Variants in PRKCQ observed in about 807,000 individuals in gnomAD.
PRKCQ encodes protein kinase C theta type.
In PRKCQ, 41 loss-of-function variants were observed where a neutral mutation model predicts 91.2. That is an observed-to-expected ratio of 0.45 (90% CI 0.35 to 0.58). The LOEUF (loss-of-function observed/expected upper bound fraction) is 0.58. Among genes scored for constraint, PRKCQ ranks in the 20% least tolerant of loss-of-function variants. PRKCQ has a pLI of 0.00. For missense variants in PRKCQ, 673 were observed against 896.5 expected (o/e 0.75, Z 3.18); for synonymous variants, 307 against 316.9 (o/e 0.97, Z 0.33).
At chr10:6,523,240 A>G (rs1473989816) in intron 1 of PRKCQ, among the ~76,000 whole-genome samples, 2 of 152,130 alleles carry the variant, frequency 1.3e-5, no homozygotes, top group Admixed American at 1.3e-4. Flanking sequence ...ACTTGAGCCT[A>G]GGAGTTTGAG....
At chr10:6,488,018 A>AG (rs1837028656) in intron 8 of PRKCQ, among the ~76,000 whole-genome samples, 1 of 151,670 alleles carries the variant, frequency 6.6e-6, no homozygotes, top group Non-Finnish European at 1.5e-5. Context: ...AAAAAAAAAA[A>AG]AAAGAAACAT....
At chr10:6,545,019 C>A (rs139730421) in intron 1 of PRKCQ, among the ~76,000 whole-genome samples, 3 of 150,692 alleles carry the variant, frequency 2.0e-5, no homozygotes, top group African/African-American at 7.3e-5. Context: ...GGAAAAATAG[C>A]GGGAAAATGT....
At chr10:6,420,869 T>G in the PRKCQ span, among the ~76,000 whole-genome samples, 9 of 152,114 alleles carry the variant, frequency 5.9e-5, no homozygotes, top group African/African-American at 2.4e-5. Context: ...TTCTTTGGTG[T>G]AGATCTTTTT....
At chr10:6,444,735 A>T (rs1243800432) in intron 15 of PRKCQ, among the ~76,000 whole-genome samples, 1 of 152,012 alleles carries the variant, frequency 6.6e-6, no homozygotes, top group Admixed American at 6.6e-5. Context: ...CGCACGCAGA[A>T]GGTATTTTTT....
At chr10:6,486,880 C>A (rs956999344) in intron 8 of PRKCQ, among the ~76,000 whole-genome samples, 2 of 152,140 alleles carry the variant, frequency 1.3e-5, no homozygotes, top group African/African-American at 4.8e-5. Flanking sequence ...GACGGTGGAG[C>A]CGGAGTGTAT....
chr10:6,554,010 G>C (rs1840313397), intron 1 of PRKCQ, among the ~76,000 whole-genome samples: 1 of 151,888 alleles, frequency 6.6e-6, no homozygotes, highest in Non-Finnish European at 1.5e-5. Context: ...TCAAGTCTCG[G>C]AGCACTCATT....
chr10:6,397,625 A>G, the PRKCQ span, among the ~76,000 whole-genome samples: 1 of 152,122 alleles, frequency 6.6e-6, no homozygotes, highest in East Asian at 1.9e-4. Context: ...GTGATATTGT[A>G]TCTAAGATAC....
chr10:6,518,463 T>C (rs1332979932), intron 1 of PRKCQ, among the ~76,000 whole-genome samples: 4 of 152,102 alleles, frequency 2.6e-5, no homozygotes, highest in East Asian at 1.9e-4. Flanking sequence ...TGCATTTTAT[T>C]TGAGGAAAAA....
chr10:6,573,684 G>A (rs1428990295), intron 1 of PRKCQ, among the ~76,000 whole-genome samples: 3 of 152,138 alleles, frequency 2.0e-5, no homozygotes. Context: ...CAAGGATTCT[G>A]CTTCTGCAGA....
At chr10:6,468,090 T>C (rs1224807608) in intron 12 of PRKCQ, among the ~76,000 whole-genome samples, 2 of 152,144 alleles carry the variant, frequency 1.3e-5, no homozygotes, top group African/African-American at 2.4e-5. Context: ...TTTAACAAAA[T>C]CAGTTGTATA....
chr10:6,563,469 C>T (rs1840710449), intron 1 of PRKCQ, among the ~76,000 whole-genome samples: 1 of 152,058 alleles, frequency 6.6e-6, no homozygotes. Flanking sequence ...CCCTATAAGC[C>T]CCTCACCATG....
chr10:6,520,834 A>C (rs1007557862), intron 1 of PRKCQ, among the ~76,000 whole-genome samples: 4 of 152,156 alleles, frequency 2.6e-5, no homozygotes, highest in Admixed American at 1.3e-4. Context: ...GTGGGGACTT[A>C]TAGAGCCCCA....
chr10:6,451,614 G>C (rs1227841059), intron 15 of PRKCQ, among the ~76,000 whole-genome samples: 2 of 152,086 alleles, frequency 1.3e-5, no homozygotes, highest in East Asian at 1.9e-4. Flanking sequence ...GCCAGGCAGA[G>C]ACACAACCAA....
chr10:6,496,497 T>C (rs908714765), intron 7 of PRKCQ, among the ~76,000 whole-genome samples: 2 of 152,120 alleles, frequency 1.3e-5, no homozygotes, highest in African/African-American at 2.4e-5. Flanking sequence ...TTGCCTTTAT[T>C]TACTCTTTTA....
At chr10:6,457,195 G>C (rs1380688395) in intron 14 of PRKCQ, among the ~76,000 whole-genome samples, 4 of 152,138 alleles carry the variant, frequency 2.6e-5, no homozygotes, top group Admixed American at 2.6e-4. Flanking sequence ...CTAATTCCAA[G>C]TCCAGTTGAT....
intron 4 of PRKCQ, among the ~76,000 whole-genome samples, chr10:6,498,839 A>G (rs1837759897): frequency 1.3e-5 from 2 of 152,180 alleles, no homozygotes; most frequent in South Asian, 2.1e-4. Flanking sequence ...TGAGCGATAT[A>G]TCCTCTTCAA....
intron 4 of PRKCQ, among the ~76,000 whole-genome samples, chr10:6,498,946 G>C (rs1006039635): frequency 6.6e-6 from 1 of 152,202 alleles, no homozygotes. Context: ...AAGTGGCAAA[G>C]GCTTTCCTGT....
At chr10:6,417,707 ACAGCCAGGTGAGAGTATC>A in the PRKCQ span, among the ~76,000 whole-genome samples, 5 of 152,202 alleles carry the variant, frequency 3.3e-5, no homozygotes, top group Admixed American at 6.5e-5. Context: ...ATCCAGGTGC[ACAGCCAGGTGAGAGTATC>A]CAGCCAGGTG....
At chr10:6,407,440 C>T in the PRKCQ span, among the ~76,000 whole-genome samples, 13 of 149,772 alleles carry the variant, frequency 8.7e-5, no homozygotes, top group South Asian at 2.1e-4. The surrounding 1 kb of genome is among the most constrained non-coding windows in gnomAD (Gnocchi z 4.0). Context: ...TACATGTGTG[C>T]GCATGCATGC....
Sources: gnomAD v4.1 joint callset for allele counts (sites outside exome capture counted in the v4.1 genomes callset) on GRCh38, gnomAD v4.1.1 for gene constraint, Gnocchi (gnomAD v3.1) non-coding constraint, MANE v1.5 for transcripts, NCBI Gene and HGNC (gene_info 2026-07-23, HGNC 2026-07-21) for gene names.